FOXP2: variants seen among roughly 807,000 people sequenced by gnomAD.
FOXP2 encodes the protein forkhead box P2, also known as forkhead box protein P2.
A neutral mutation model predicts 115.8 loss-of-function variants in FOXP2; 12 were observed. The ratio of observed to expected loss-of-function variants is 0.10; its 90% CI spans 0.07 to 0.17. FOXP2 has a LOEUF of 0.17. FOXP2 is among the 10% of genes least tolerant of loss of function. FOXP2 has a pLI of 1.00. For missense variants in FOXP2, 629 were observed against 843.5 expected, an observed-to-expected ratio of 0.75 and a Z score of 3.15; for synonymous variants, 328 against 297.7, an observed-to-expected ratio of 1.10 and a Z score of -1.05.
rs1808795506 is a variant in FOXP2, at chr7:114,693,760, G to A, written c.*3834G>A. On this transcript the variant is annotated 3_prime_UTR_variant, in exon 17 of 17. Transcript: ENST00000350908. Reference sequence around the variant, plus strand: ...TAAATAAAAAAATCTAATTCTTTTTGACCCATTTATAACCAATAGGATTTT... The same window carrying A: ...TAAATAAAAAAATCTAATTCTTTTTAACCCATTTATAACCAATAGGATTTT... The A allele has an allele frequency of 3.2e-6, 1 of 316,222 alleles. No homozygotes were observed. The highest frequency in any genetic ancestry group is 6.1e-6 in the Non-Finnish European group (1 of 162,838). The allele number at this position is 316,222 out of a possible 1,614,324, so 19.6% of individuals were successfully genotyped here. A position where few individuals can be genotyped will look rare whatever the true frequency, so the allele number is the denominator to read the frequency against.
intron 3 of FOXP2, among the ~76,000 whole-genome samples, chr7:114,609,916 C>T (rs1254963137): frequency 2.0e-5 from 3 of 152,146 alleles, no homozygotes; most frequent in Non-Finnish European, 2.9e-5. Flanking sequence ...GCATTTTCAT[C>T]GTGGTTGGCC....
chr7:114,407,816 G>A (rs1453111634), intron 2 of FOXP2, among the ~76,000 whole-genome samples: 1 of 152,070 alleles, frequency 6.6e-6, no homozygotes. Context: ...GGACATGATT[G>A]TTAAGGTCTG....
At position 114,691,786 on chromosome 7, in the gene FOXP2, G is replaced by T. The variant is rs545087676; in HGVS notation, c.*1860G>T. On this transcript the variant is annotated 3_prime_UTR_variant, in exon 17 of 17. Coordinates refer to ENST00000350908, the MANE Select transcript of FOXP2 (RefSeq NM_014491.4). ...GATGGAACCGGTTCTTGCAAACTAA[G>T]CTCATCATTGATTCTTTGCTGAAGT... 2.2e-6 allele frequency: 1 copy of T among 453,394 alleles called. No individual in the cohort carries two copies. The highest frequency in any genetic ancestry group is 7.0e-5 in the East Asian group (1 of 14,352). 28.1% of individuals were successfully genotyped at this position (453,394 alleles called of 1,614,324 possible).
chr7:114,536,914 T>C (rs1799423895), intron 3 of FOXP2, among the ~76,000 whole-genome samples: 1 of 151,472 alleles, frequency 6.6e-6, no homozygotes, highest in Non-Finnish European at 1.5e-5. Context: ...TAGTATTTCA[T>C]AGGACTTGAT....
intron 2 of FOXP2, among the ~76,000 whole-genome samples, chr7:114,401,231 C>T (rs1289011137): frequency 1.3e-5 from 2 of 152,076 alleles, no homozygotes; most frequent in Non-Finnish European, 2.9e-5. Flanking sequence ...TAAATGTTGT[C>T]ATAGAATCCA....
intron 1 of FOXP2, among the ~76,000 whole-genome samples, chr7:114,229,336 C>T (rs1794815965): frequency 6.6e-6 from 1 of 151,460 alleles, no homozygotes; most frequent in Non-Finnish European, 1.5e-5. Context: ...TCAGTACTCA[C>T]TTTCAATAGT....
intron 2 of FOXP2, among the ~76,000 whole-genome samples, chr7:114,478,803 A>G (rs1481157624): frequency 1.3e-5 from 2 of 151,720 alleles, no homozygotes; most frequent in South Asian, 4.1e-4. Context: ...CACGTTTAGC[A>G]TGATATATTG....
At chr7:114,446,987 C>T (rs1794863988) in intron 2 of FOXP2, among the ~76,000 whole-genome samples, 1 of 151,832 alleles carries the variant, frequency 6.6e-6, no homozygotes, top group Non-Finnish European at 1.5e-5. Flanking sequence ...TGGCCTCAAG[C>T]AATCCACTCA....
At chr7:114,688,525 G>A (rs1164256799) in intron 16 of FOXP2, among the ~76,000 whole-genome samples, 1 of 152,098 alleles carries the variant, frequency 6.6e-6, no homozygotes, top group Admixed American at 6.6e-5. Context: ...TACTTGATAA[G>A]GAATCTTTTT....
intron 16 of FOXP2, among the ~76,000 whole-genome samples, chr7:114,675,667 G>A (rs1360591733): frequency 6.6e-6 from 1 of 152,106 alleles, no homozygotes; most frequent in Non-Finnish European, 1.5e-5. Context: ...AAGTACTGAA[G>A]ATTGTAGATG....
At chr7:114,214,345 C>G (rs1411497893) in intron 1 of FOXP2, among the ~76,000 whole-genome samples, 1 of 152,114 alleles carries the variant, frequency 6.6e-6, no homozygotes, top group Non-Finnish European at 1.5e-5. Flanking sequence ...AAAATTATGA[C>G]TTAAACAGCA....
At chr7:114,359,195 G>A (rs1791687688) in intron 2 of FOXP2, among the ~76,000 whole-genome samples, 1 of 152,284 alleles carries the variant, frequency 6.6e-6, no homozygotes, top group East Asian at 1.9e-4. Flanking sequence ...TGCTTCAGAG[G>A]GTGCAAGCCC....
intron 1 of FOXP2, among the ~76,000 whole-genome samples, chr7:114,284,335 C>G (rs1328397560): frequency 1.3e-5 from 2 of 151,592 alleles, no homozygotes; most frequent in African/African-American, 4.8e-5. Context: ...TCCATAAGAG[C>G]AGAGTTGTGA....
At chr7:114,150,197 T>A (rs1792495597) in intron 1 of FOXP2, among the ~76,000 whole-genome samples, 2 of 151,962 alleles carry the variant, frequency 1.3e-5, no homozygotes, top group Admixed American at 6.6e-5. Flanking sequence ...TATTTTAGGG[T>A]CCGGATGAAG....
chr7:114,431,771 G>T (rs1422325650), intron 2 of FOXP2, among the ~76,000 whole-genome samples: 2 of 151,868 alleles, frequency 1.3e-5, no homozygotes, highest in Non-Finnish European at 2.9e-5. Flanking sequence ...TGTGAACTTA[G>T]ATTTTAATAT....
chr7:114,427,735 C>T (rs1310388411), intron 2 of FOXP2, among the ~76,000 whole-genome samples: 1 of 151,174 alleles, frequency 6.6e-6, no homozygotes, highest in Non-Finnish European at 1.5e-5. Context: ...AGCAAATGCC[C>T]ACACTAGAGT....
At chr7:114,105,221 A>C (rs1584481540) in intron 1 of FOXP2, among the ~76,000 whole-genome samples, 1 of 152,014 alleles carries the variant, frequency 6.6e-6, no homozygotes, top group Admixed American at 6.6e-5. Context: ...ATTTCAGTTA[A>C]TTTTTTTAGC....
intron 2 of FOXP2, among the ~76,000 whole-genome samples, chr7:114,371,077 A>G (rs1791992710): frequency 2.0e-5 from 3 of 152,114 alleles, no homozygotes; most frequent in Admixed American, 2.0e-4. Flanking sequence ...CCTTATCTCA[A>G]ATAGGAATAC....
chr7:114,167,685 C>G (rs910643798), intron 1 of FOXP2, among the ~76,000 whole-genome samples: 1 of 152,072 alleles, frequency 6.6e-6, no homozygotes, highest in Non-Finnish European at 1.5e-5. Context: ...GCCTGTAATC[C>G]TAGCACTTTG....
Sources: allele counts gnomAD v4.1 joint callset (sites outside exome capture counted in the v4.1 genomes callset), GRCh38; gene constraint gnomAD v4.1.1; transcripts MANE v1.5; gene names NCBI Gene and HGNC (gene_info 2026-07-23, HGNC 2026-07-21).